The following KLF11 variants were observed in gnomAD, a reference collection of about 807,000 sequenced individuals.
KLF11 encodes the protein Krueppel-like factor 11.
KLF11 carries 26 observed loss-of-function variants against 29.9 expected under a neutral mutation model. That is an observed-to-expected ratio of 0.87 (90% confidence interval 0.64 to 1.21). The LOEUF (loss-of-function observed/expected upper bound fraction) is 1.21. KLF11 is among the 50% of genes most tolerant of loss of function. KLF11 has a pLI of 0.00. For synonymous variants in KLF11, 318 were observed against 257.4 expected (o/e 1.24, Z -2.25); for missense variants, 778 against 665.7 (o/e 1.17, Z -1.86).
At chr2:10,051,753 G>A (rs1162296637) in intron 3 of KLF11, among the ~76,000 whole-genome samples, 1 of 151,856 alleles carries the variant, frequency 6.6e-6, no homozygotes. Context: ...TTCTGACTTT[G>A]TGATCCGCCC....
In KLF11 at chr2:10,046,198, G is replaced by C. The variant is rs1280380719; in HGVS notation, c.91G>C (p.Asp31His). The C allele has an allele frequency of 2.5e-6, 4 of 1,614,194 alleles. No homozygotes were observed. Among genetic ancestry groups the C allele is most frequent in the Non-Finnish European group, 3.4e-6 (4 of 1,180,046 alleles). ...GTCCATCCTGGAGAGGAAGCGGCAT[G>C]ACAGCGAAAGGTCTACTTGCAGCAT... ...CESILERKRH[D>H]SERSTCSILE... Residue 31 changes from aspartate (D) to histidine (H), a missense_variant, in exon 2 of 4, where the codon GAC (aspartate) becomes CAC (histidine). Physicochemically the swap from Asp to His is moderately conservative, Grantham distance 81. Transcript: ENST00000305883.
Position 10,043,593 on chromosome 2 carries a change from G to A in KLF11, c.-124G>A, listed in dbSNP as rs1661057822. On this transcript the variant is annotated 5_prime_UTR_variant, in exon 1 of 4. Transcript: ENST00000305883. ...GGGCAGAGCCGCGCGGGCGGGCGAGGCGCGTGCCGGCCGCAGGAGCTCCGG... is the reference window on the plus strand; with the variant it reads ...GGGCAGAGCCGCGCGGGCGGGCGAGACGCGTGCCGGCCGCAGGAGCTCCGG... The A allele has an allele frequency of 5.2e-6, 3 of 572,616 alleles. No individual in the cohort carries two copies. The South Asian group carries it at 2.2e-4, about 42-fold the overall frequency. The allele number at this position is 572,616 out of a possible 1,614,324, so 35.5% of individuals were successfully genotyped here. A position where few individuals can be genotyped will look rare whatever the true frequency, so the allele number is the denominator to read the frequency against.
At chr2:10,046,455 A>G (rs1359839696) in intron 2 of KLF11, 36 bp downstream of exon 2, 1 of 1,607,594 alleles carries the variant, frequency 6.2e-7, no homozygotes, top group Admixed American at 1.7e-5. Flanking sequence ...GTTTTTGTGA[A>G]ATGACTAGAG....
rs1397738993 is a variant in KLF11 at position 10,053,208 on chromosome 2, C to T, written c.*701C>T. 1.8e-5 allele frequency: 7 copies of T among 399,072 alleles called. No individual in the cohort carries two copies. The highest frequency in any genetic ancestry group is 3.1e-5 in the Non-Finnish European group (7 of 226,590). The allele number at this position is 399,072 out of a possible 1,614,324, so 24.7% of individuals were successfully genotyped here. A position where few individuals can be genotyped will look rare whatever the true frequency, so the allele number is the denominator to read the frequency against. On this transcript the variant is annotated 3_prime_UTR_variant, in exon 4 of 4. Transcript: ENST00000305883. ...TTGACTGGAACTAGTGAGCTGTGTC[C>T]ATGGTGTGTCATGAAGGATGTACCC... is the stretch of plus-strand genomic sequence containing the variant.
intron 1 of KLF11, chr2:10,044,313 GGA>G: frequency 1.0e-6 from 1 of 985,598 alleles, no homozygotes; most frequent in African/African-American, 1.7e-5. Context: ...CTTGGAGGCG[GGA>G]ACGCGGCACG....
chr2:10,045,671 G>A (rs547081630), intron 1 of KLF11, among the ~76,000 whole-genome samples: 24 of 152,334 alleles, frequency 1.6e-4, no homozygotes, highest in Non-Finnish European at 5.9e-5. Flanking sequence ...TAGGCGGAAG[G>A]CCCCAGAGTC....
intron 1 of KLF11, chr2:10,044,328 A>T: frequency 1.0e-6 from 1 of 984,424 alleles, no homozygotes; most frequent in Non-Finnish European, 1.2e-6. Context: ...GCGGCACGCG[A>T]GCGTTGGGGG....
rs1661475326 is a variant in KLF11 at position 10,053,628 on chromosome 2, C to A, written c.*1121C>A. 5.1e-6 allele frequency: 2 copies of A among 390,982 alleles called. No individual in the cohort carries two copies. Among genetic ancestry groups the A allele is most frequent in the African/African-American group, 4.1e-5 (2 of 48,498 alleles). 24.2% of individuals were successfully genotyped at this position (390,982 alleles called of 1,614,324 possible). On this transcript the variant is annotated 3_prime_UTR_variant, in exon 4 of 4. Transcript: ENST00000305883. ...CAAGTTACGCTAAATGGCAGTAATACTACCCAACTGCCTTTCTGTTCATTT... is the reference window on the plus strand; with the variant it reads ...CAAGTTACGCTAAATGGCAGTAATAATACCCAACTGCCTTTCTGTTCATTT...
chr2:10,048,285 C>T lies in KLF11; in HGVS notation c.948C>T (p.Pro316=), dbSNP rs570616467. The change falls in exon 3 of 4, where the codon CCC becomes CCT. Residue 316 remains proline, a synonymous_variant. Coordinates refer to ENST00000305883, the MANE Select transcript of KLF11 (RefSeq NM_003597.5). The part of the protein sequence containing the change: ...PPQLSVGTVR[P]ILAQAAPAPQ... ...AGTTGTCTGTGGGGACTGTGAGACC[C>T]ATCCTAGCTCAGGCTGCTCCAGCGC... 1 of 1,602,694 alleles carries T rather than the reference C, an allele frequency of 6.2e-7. No homozygotes were observed. The highest frequency in any genetic ancestry group is 1.7e-5 in the Admixed American group (1 of 59,470).
At chr2:10,045,229 C>T (rs562722282) in intron 1 of KLF11, among the ~76,000 whole-genome samples, 4 of 152,166 alleles carry the variant, frequency 2.6e-5, no homozygotes, top group Admixed American at 1.3e-4. Flanking sequence ...AGTTGGAGAC[C>T]AGCCTGGCCA....
chr2:10,045,860 A>G (rs932814197), intron 1 of KLF11, among the ~76,000 whole-genome samples: 4 of 152,252 alleles, frequency 2.6e-5, no homozygotes, highest in African/African-American at 9.6e-5. Context: ...TAATTTTATT[A>G]ATCATTTACC....
intron 1 of KLF11, among the ~76,000 whole-genome samples, chr2:10,045,015 G>A (rs1220126263): frequency 6.6e-6 from 1 of 152,208 alleles, no homozygotes; most frequent in Non-Finnish European, 1.5e-5. Context: ...GCATGGTGGT[G>A]GGCGCCTGTA....
Position 10,046,515 on chromosome 2 carries a change from C to G in KLF11, c.312+96C>G, listed in dbSNP as rs368432202. On this transcript the variant is annotated intron_variant, in intron 2 of 3. Transcript: ENST00000305883. Reference sequence around the variant, plus strand: ...ACTTGTGAGAAGATTCCCTGGGATGCTGGCAAATAAGTTGCGTATCCTCTC... The same window carrying G: ...ACTTGTGAGAAGATTCCCTGGGATGGTGGCAAATAAGTTGCGTATCCTCTC... 3.3e-5 allele frequency: 46 copies of G among 1,388,674 alleles called. 1 individual carries two copies. Among genetic ancestry groups the G allele is most frequent in the East Asian group, 1.4e-4 (6 of 43,712 alleles). The allele number at this position is 1,388,674 out of a possible 1,614,324, so 86.0% of individuals were successfully genotyped here. A position where few individuals can be genotyped will look rare whatever the true frequency, so the allele number is the denominator to read the frequency against.
rs1204900969 is a variant in KLF11, at chr2:10,052,637, T to C, written c.*130T>C. On this transcript the variant is annotated 3_prime_UTR_variant, in exon 4 of 4. Transcript: ENST00000305883. ...GCGGCCTAGGGGAAGATCGGGGAGC[T>C]GGTTTTGATGAAAGTATGTTAACTT... 1.1e-6 allele frequency: 1 copy of C among 879,892 alleles called. No homozygotes were observed. The highest frequency in any genetic ancestry group is 1.7e-5 in the African/African-American group (1 of 59,822). 54.5% of individuals were successfully genotyped at this position (879,892 alleles called of 1,614,324 possible). A position where few individuals can be genotyped will look rare whatever the true frequency, so the allele number is the denominator to read the frequency against.
At position 10,053,051 on chromosome 2, in the gene KLF11, CT is replaced by C; in HGVS notation, c.*549del. ...CCACAAGTTATCTGGCCTTTTAGATCTTTTTGGAATCGGACCTGGTTGAGTA... is the reference window on the plus strand; with the variant it reads ...CCACAAGTTATCTGGCCTTTTAGATCTTTTGGAATCGGACCTGGTTGAGTA... On this transcript the variant is annotated 3_prime_UTR_variant, in exon 4 of 4. Transcript: ENST00000305883. 2.5e-6 allele frequency: 1 copy of C among 392,586 alleles called. No individual in the cohort carries two copies. The highest frequency in any genetic ancestry group is 4.4e-5 in the Admixed American group (1 of 22,626). The allele number at this position is 392,586 out of a possible 1,614,324, so 24.3% of individuals were successfully genotyped here. A position where few individuals can be genotyped will look rare whatever the true frequency, so the allele number is the denominator to read the frequency against.
rs1377863567 is a variant in KLF11, at chr2:10,043,741, C to T, written c.25C>T (p.Pro9Ser). The stretch of plus-strand genomic sequence containing the variant: ...GATGCACACGCCGGACTTCGCAGGC[C>T]CAGACGACGCGCGCGCAGTGAGTGG... MHTPDFAG[P>S]DDARAVDIMD... The change falls in exon 1 of 4, where the codon CCA (proline) becomes TCA (serine). Residue 9 changes from proline (P) to serine (S), a missense_variant. Physicochemically the swap from Pro to Ser is moderately conservative, Grantham distance 74. Coordinates refer to ENST00000305883, the MANE Select transcript of KLF11 (RefSeq NM_003597.5). 1.1e-5 allele frequency: 15 copies of T among 1,383,234 alleles called. No homozygotes were observed. Among genetic ancestry groups the T allele is most frequent in the Non-Finnish European group, 1.4e-5 (15 of 1,053,256 alleles). The allele number at this position is 1,383,234 out of a possible 1,614,324, so 85.7% of individuals were successfully genotyped here.
At chr2:10,046,626 G>A (rs1661213089) in intron 2 of KLF11, among the ~76,000 whole-genome samples, 1 of 152,208 alleles carries the variant, frequency 6.6e-6, no homozygotes, top group Non-Finnish European at 1.5e-5. Flanking sequence ...GGAGGGCCAG[G>A]CAGGCAGATC....
At position 10,043,657 on chromosome 2, in the gene KLF11, C is replaced by T; in HGVS notation, c.-60C>T. The T allele has an allele frequency of 8.4e-7, 1 of 1,193,492 alleles. No individual in the cohort carries two copies. Among genetic ancestry groups the T allele is most frequent in the Non-Finnish European group, 1.1e-6 (1 of 942,046 alleles). The allele number at this position is 1,193,492 out of a possible 1,614,324, so 73.9% of individuals were successfully genotyped here. A position where few individuals can be genotyped will look rare whatever the true frequency, so the allele number is the denominator to read the frequency against. On this transcript the variant is annotated 5_prime_UTR_variant, in exon 1 of 4. Transcript: ENST00000305883. Reference sequence around the variant, plus strand: ...CCGCCGCCCGCAGCCCACGTGCGGCCGCTGCTGCGCCCGAGCTCACGCCCC... The same window carrying T: ...CCGCCGCCCGCAGCCCACGTGCGGCTGCTGCTGCGCCCGAGCTCACGCCCC...
At chr2:10,051,993 T>C (rs1032907299) in intron 3 of KLF11, among the ~76,000 whole-genome samples, 1 of 152,220 alleles carries the variant, frequency 6.6e-6, no homozygotes, top group Non-Finnish European at 1.5e-5. Flanking sequence ...TTTTTAAATA[T>C]ATTTTGAAAG....
Sources: gnomAD v4.1 joint callset for allele counts (sites outside exome capture counted in the v4.1 genomes callset) on GRCh38, gnomAD v4.1.1 for gene constraint, MANE v1.5 for transcripts, NCBI Gene and HGNC (gene_info 2026-07-23, HGNC 2026-07-21) for gene names.